TMEM200A: variants seen among roughly 807,000 people sequenced by gnomAD.
TMEM200A encodes the protein transmembrane protein 200A.
TMEM200A carries 12 observed loss-of-function variants against 24.3 expected under a neutral mutation model. The ratio of observed to expected loss-of-function variants is 0.49; its 90% CI spans 0.32 to 0.80. The LOEUF is 0.80. TMEM200A is among the 30% of genes least tolerant of loss of function. TMEM200A has a pLI of 0.04. For synonymous variants in TMEM200A, 224 were observed against 224.4 expected, an observed-to-expected ratio of 1.00 and a Z score of 0.02; for missense variants, 545 against 614.4, an observed-to-expected ratio of 0.89 and a Z score of 1.19.
At chr6:130,440,293 C>A in intron 2 of TMEM200A, 114 bp from the exon 3 acceptor site, 1 of 1,103,456 alleles carries the variant, frequency 9.1e-7, no homozygotes, top group East Asian at 2.7e-5. Flanking sequence ...CATTTAATCA[C>A]ATGAAACTGC....
chr6:130,382,191 A>C (rs1778615268), intron 1 of TMEM200A, among the ~76,000 whole-genome samples: 1 of 152,208 alleles, frequency 6.6e-6, no homozygotes, highest in Non-Finnish European at 1.5e-5. Flanking sequence ...GTAGGGCAGC[A>C]TGACCACCTT....
intron 2 of TMEM200A, among the ~76,000 whole-genome samples, chr6:130,409,024 C>T (rs1779273618): frequency 6.6e-6 from 1 of 152,112 alleles, no homozygotes; most frequent in Non-Finnish European, 1.5e-5. Context: ...TCACATGGCA[C>T]TCCTCTAATG....
chr6:130,409,825 C>T (rs399555), intron 2 of TMEM200A, among the ~76,000 whole-genome samples: 1 of 150,276 alleles, frequency 6.7e-6, no homozygotes, highest in Non-Finnish European at 1.5e-5. Flanking sequence ...AAAGGCACTT[C>T]CTTTCTGTCT....
intron 2 of TMEM200A, among the ~76,000 whole-genome samples, chr6:130,398,641 C>T (rs1287237035): frequency 6.6e-6 from 1 of 152,032 alleles, no homozygotes; most frequent in African/African-American, 2.4e-5. Flanking sequence ...ACCTCACCAA[C>T]ATCTGTTGTT....
intron 1 of TMEM200A, among the ~76,000 whole-genome samples, chr6:130,372,994 G>A (rs1180333637): frequency 6.6e-6 from 1 of 152,190 alleles, no homozygotes; most frequent in Non-Finnish European, 1.5e-5. Flanking sequence ...ATGGTGAATA[G>A]GAGTAGGCTC....
At chr6:130,399,792 AAT>A (rs1451407327) in intron 2 of TMEM200A, among the ~76,000 whole-genome samples, 1 of 151,852 alleles carries the variant, frequency 6.6e-6, no homozygotes, top group Non-Finnish European at 1.5e-5. Flanking sequence ...CCACCCAAGC[AAT>A]ATACACTGCA....
At chr6:130,402,436 AC>A (rs933175100) in intron 2 of TMEM200A, among the ~76,000 whole-genome samples, 7 of 152,046 alleles carry the variant, frequency 4.6e-5, no homozygotes, top group Admixed American at 2.6e-4. Context: ...ACTGGATAAG[AC>A]CCACAAAGGA....
rs1170316844 is a variant in TMEM200A, at chr6:130,441,943, G to A, written c.*45G>A. On this transcript the variant is annotated 3_prime_UTR_variant, in exon 3 of 3. Transcript: ENST00000296978. ...TTTACAAGGGTATATATTTTAAAAC[G>A]ATTTTCACTGGTGTTTCCTTCTTAA... is the stretch of plus-strand genomic sequence containing the variant. The A allele has an allele frequency of 4.0e-6, 6 of 1,493,688 alleles. No individual in the cohort carries two copies. The highest frequency in any genetic ancestry group is 4.6e-5 in the East Asian group (2 of 43,538). 92.5% of individuals were successfully genotyped at this position (1,493,688 alleles called of 1,614,324 possible). A position where few individuals can be genotyped will look rare whatever the true frequency, so the allele number is the denominator to read the frequency against.
Position 130,416,362 on chromosome 6 carries a change from T to C in TMEM200A, c.-16-24045T>C, listed in dbSNP as rs1393582614. Among the ~76,000 whole-genome samples, 7 of 152,106 alleles carry C rather than the reference T, an allele frequency of 4.6e-5. No individual in the cohort carries two copies. The East Asian group carries it at 1.3e-3, about 29-fold the overall frequency. On this transcript the variant is annotated intron_variant, in intron 2 of 2. Coordinates refer to ENST00000296978, the MANE Select transcript of TMEM200A (RefSeq NM_001258277.2). ...CTGTGTGTGTGTGTGTGTCTATACA[T>C]ATAGTCAATTAACAGCAAGTCTCTA... is the stretch of plus-strand genomic sequence containing the variant.
At chr6:130,436,523 A>G (rs981560754) in intron 2 of TMEM200A, among the ~76,000 whole-genome samples, 1 of 149,474 alleles carries the variant, frequency 6.7e-6, no homozygotes, top group Admixed American at 6.7e-5. Context: ...CTGTTTTTGC[A>G]TATACTGAAC....
chr6:130,390,753 A>G (rs1020163883), intron 2 of TMEM200A, among the ~76,000 whole-genome samples: 2 of 152,214 alleles, frequency 1.3e-5, no homozygotes, highest in African/African-American at 4.8e-5. Context: ...TAGCTTGGCA[A>G]ATTGCTCCTT....
intron 2 of TMEM200A, among the ~76,000 whole-genome samples, chr6:130,411,567 T>C (rs1401784573): frequency 6.6e-6 from 1 of 152,200 alleles, no homozygotes; most frequent in South Asian, 2.1e-4. Flanking sequence ...TCCAAAATCA[T>C]GTGTTGAATT....
intron 2 of TMEM200A, among the ~76,000 whole-genome samples, chr6:130,419,058 C>A (rs1779520822): frequency 6.6e-6 from 1 of 152,164 alleles, no homozygotes; most frequent in Non-Finnish European, 1.5e-5. Flanking sequence ...AACACTTCTA[C>A]ATACCACCAC....
chr6:130,395,646 A>G (rs950641747), intron 2 of TMEM200A, among the ~76,000 whole-genome samples: 1 of 152,200 alleles, frequency 6.6e-6, no homozygotes, highest in Non-Finnish European at 1.5e-5. Flanking sequence ...TAAAGAACGA[A>G]ATTTCTGTTC....
At chr6:130,371,259 G>A (rs190609919) in intron 1 of TMEM200A, among the ~76,000 whole-genome samples, 3 of 152,216 alleles carry the variant, frequency 2.0e-5, no homozygotes, top group South Asian at 2.1e-4. Flanking sequence ...AGTCCTAGGG[G>A]CATGTATAGA....
chr6:130,374,650 C>T (rs1397645563), intron 1 of TMEM200A, among the ~76,000 whole-genome samples: 3 of 152,056 alleles, frequency 2.0e-5, no homozygotes, highest in Admixed American at 2.0e-4. Flanking sequence ...TCTCGAACTC[C>T]TGACCTCAGG....
In TMEM200A at chr6:130,433,239, C is replaced by T. The variant is rs555361826; in HGVS notation, c.-16-7168C>T. Among the ~76,000 whole-genome samples the T allele has an allele frequency of 1.7e-4, 25 of 151,082 alleles. No homozygotes were observed. The East Asian group carries it at 4.1e-3, about 25-fold the overall frequency. On this transcript the variant is annotated intron_variant, in intron 2 of 2. Coordinates refer to ENST00000296978, the MANE Select transcript of TMEM200A (RefSeq NM_001258277.2). ...GCTATCTCCACCTCTCAGGTTCAAG[C>T]GATTCTCCTGCCTCAGCCTCCTGAG...
intron 1 of TMEM200A, among the ~76,000 whole-genome samples, chr6:130,374,271 C>T (rs1267655783): frequency 1.3e-5 from 2 of 152,138 alleles, no homozygotes; most frequent in African/African-American, 4.8e-5. Context: ...GTTCTAACTG[C>T]ACTTTTCACT....
intron 2 of TMEM200A, among the ~76,000 whole-genome samples, chr6:130,412,063 T>C (rs1779342412): frequency 6.6e-6 from 1 of 151,678 alleles, no homozygotes; most frequent in South Asian, 2.1e-4. Flanking sequence ...CAAGCCTTTT[T>C]GACATACCCC....
Sources: allele counts gnomAD v4.1 joint callset (sites outside exome capture counted in the v4.1 genomes callset), GRCh38; gene constraint gnomAD v4.1.1; transcripts MANE v1.5; gene names NCBI Gene and HGNC (gene_info 2026-07-23, HGNC 2026-07-21).